Variants in P3H2 observed in about 807,000 individuals in gnomAD.
P3H2 encodes leprecan-like 1.
In P3H2, 80 loss-of-function variants were observed where a neutral mutation model predicts 87.0. That is an observed-to-expected ratio of 0.92 (90% CI 0.77 to 1.11). The LOEUF (loss-of-function observed/expected upper bound fraction) is 1.11, where lower values mean the gene tolerates loss of function less well. Ranked by LOEUF, P3H2 falls within the 50% of genes least tolerant of loss-of-function variation. P3H2 has a pLI of 0.00. For synonymous variants in P3H2, 367 were observed against 359.3 expected (o/e 1.02, Z -0.24); for missense variants, 1,001 against 923.9 (o/e 1.08, Z -1.08).
intron 8 of P3H2, among the ~76,000 whole-genome samples, chr3:189,981,493 A>AT (rs869306106): frequency 7.3e-4 from 110 of 151,176 alleles, no homozygotes; most frequent in African/African-American, 2.4e-3. Context: ...GTAAAAAAAA[A>AT]TTTTTTTTTT....
At chr3:190,101,315 C>A (rs1463626899) in intron 1 of P3H2, among the ~76,000 whole-genome samples, 1 of 120,446 alleles carries the variant, frequency 8.3e-6, no homozygotes, top group African/African-American at 3.4e-5. Context: ...AGGTCAAAAG[C>A]CAAAATAGAA....
intron 1 of P3H2, among the ~76,000 whole-genome samples, chr3:190,015,965 G>C (rs1374490474): frequency 2.0e-5 from 3 of 152,204 alleles, no homozygotes; most frequent in African/African-American, 7.2e-5. Context: ...CTGCGTTGGA[G>C]GGTGGGGGTG....
intron 1 of P3H2, among the ~76,000 whole-genome samples, chr3:190,017,438 G>A (rs1226634598): frequency 6.6e-6 from 1 of 152,166 alleles, no homozygotes; most frequent in South Asian, 2.1e-4. Flanking sequence ...GCATACACAT[G>A]GATGCAAAAG....
At chr3:190,024,347 T>C (rs1301814453) in intron 1 of P3H2, among the ~76,000 whole-genome samples, 1 of 151,518 alleles carries the variant, frequency 6.6e-6, no homozygotes, top group Non-Finnish European at 1.5e-5. Flanking sequence ...GACCAGCGTG[T>C]CCAATATGGT....
chr3:190,045,802 G>C (rs764216289), intron 1 of P3H2, among the ~76,000 whole-genome samples: 53 of 151,666 alleles, frequency 3.5e-4, no homozygotes, highest in Non-Finnish European at 5.6e-4. Context: ...TCCTCCTGTA[G>C]ACAGAAGCCT....
rs554522883 is a variant in P3H2 at position 190,106,716 on chromosome 3, A to G, written c.480+13536T>C. ...GTTTGATGTCAAAACTCAAGCTATGAGAAGTGGATGACAACTCAGGATTTG... is the reference window on the plus strand; with the variant it reads ...GTTTGATGTCAAAACTCAAGCTATGGGAAGTGGATGACAACTCAGGATTTG... On this transcript the variant is annotated intron_variant, in intron 1 of 14. Transcript: ENST00000319332. Among the ~76,000 whole-genome samples, 8 of 152,218 alleles carry G rather than the reference A, an allele frequency of 5.3e-5. No homozygotes were observed. In the South Asian group the frequency reaches 6.2e-4, roughly 12 times the overall value.
intron 8 of P3H2, among the ~76,000 whole-genome samples, chr3:189,979,788 C>T (rs1723470685): frequency 6.6e-6 from 1 of 151,554 alleles, no homozygotes; most frequent in Non-Finnish European, 1.5e-5. Flanking sequence ...ATGGTGAAAC[C>T]CCGTCTCTAC....
At chr3:189,993,467 C>T (rs1484723880) in intron 3 of P3H2, among the ~76,000 whole-genome samples, 1 of 152,072 alleles carries the variant, frequency 6.6e-6, no homozygotes, top group Non-Finnish European at 1.5e-5. Flanking sequence ...GCAGAGACCC[C>T]ACTTTCTCCT....
chr3:190,109,845 CT>C (rs141845406), intron 1 of P3H2, among the ~76,000 whole-genome samples: 3,708 of 124,412 alleles, frequency 0.03, 61 homozygotes, highest in African/African-American at 0.085. Flanking sequence ...GATGCCCAGT[CT>C]TTTTTTTTTT....
intron 1 of P3H2, among the ~76,000 whole-genome samples, chr3:190,027,452 G>A (rs1725116595): frequency 6.6e-6 from 1 of 151,854 alleles, no homozygotes; most frequent in African/African-American, 2.4e-5. Context: ...GAACAGTACT[G>A]GAATAAAATA....
intron 1 of P3H2, among the ~76,000 whole-genome samples, chr3:190,024,285 T>A (rs1725019187): frequency 6.6e-6 from 1 of 152,060 alleles, no homozygotes; most frequent in African/African-American, 2.4e-5. Context: ...ACACCTGTAA[T>A]CCCAGCACTT....
intron 1 of P3H2, among the ~76,000 whole-genome samples, chr3:190,081,510 G>A (rs1727043421): frequency 6.6e-6 from 1 of 152,020 alleles, no homozygotes; most frequent in Admixed American, 6.6e-5. Context: ...AAGAGAAAGG[G>A]CCTTCAAATT....
intron 1 of P3H2, among the ~76,000 whole-genome samples, chr3:190,097,351 T>C (rs1727619407): frequency 6.6e-6 from 1 of 152,190 alleles, no homozygotes; most frequent in African/African-American, 2.4e-5. Context: ...TTCCCATATA[T>C]TTGAAAATCA....
intron 13 of P3H2, among the ~76,000 whole-genome samples, chr3:189,965,407 T>C (rs1008286411): frequency 1.3e-5 from 2 of 152,122 alleles, no homozygotes; most frequent in Non-Finnish European, 2.9e-5. Context: ...CATGTGTGTG[T>C]ATATGTGACT....
intron 1 of P3H2, among the ~76,000 whole-genome samples, chr3:190,076,453 A>G (rs1395005723): frequency 2.6e-5 from 4 of 152,156 alleles, no homozygotes; most frequent in East Asian, 1.9e-4. Context: ...GAAAGATGGG[A>G]AAGATGAGGC....
chr3:189,981,345 A>G (rs1012159900), intron 8 of P3H2, among the ~76,000 whole-genome samples: 1 of 152,204 alleles, frequency 6.6e-6, no homozygotes, highest in African/African-American at 2.4e-5. Context: ...ATTTCCAGAC[A>G]GACAGTGTCA....
chr3:190,106,602 T>C (rs1042431283), intron 1 of P3H2, among the ~76,000 whole-genome samples: 18 of 152,296 alleles, frequency 1.2e-4, no homozygotes, highest in Admixed American at 7.8e-4. Flanking sequence ...TTATTGTCAT[T>C]TTCCCGATAC....
At chr3:189,994,336 A>AC (rs1553874009) in intron 2 of P3H2, 53 bp from the exon 3 acceptor site, 209 of 1,477,960 alleles carry the variant, frequency 1.4e-4, no homozygotes, top group East Asian at 3.4e-4. Context: ...AAACAAACAA[A>AC]AAAACCCTTA....
intron 13 of P3H2, chr3:189,969,612 C>G: frequency 8.2e-7 from 1 of 1,212,268 alleles, no homozygotes; most frequent in Non-Finnish European, 1.2e-6. Flanking sequence ...GTACAGCCCT[C>G]TTCCTTCAAA....
Sources: gnomAD v4.1 joint callset for allele counts (sites outside exome capture counted in the v4.1 genomes callset) on GRCh38, gnomAD v4.1.1 for gene constraint, MANE v1.5 for transcripts, NCBI Gene and HGNC (gene_info 2026-07-23, HGNC 2026-07-21) for gene names.